The following RAP1GDS1 variants were observed in gnomAD, a reference collection of about 807,000 sequenced individuals.
RAP1GDS1 encodes Rap1 GTPase-GDP dissociation stimulator 1, also known as RAP1, GTP-GDP dissociation stimulator 1.
A neutral mutation model predicts 71.1 loss-of-function variants in RAP1GDS1; 35 were observed. That is an observed-to-expected ratio of 0.49 (90% CI 0.38 to 0.65). The LOEUF (loss-of-function observed/expected upper bound fraction) is 0.65, where lower values mean the gene tolerates loss of function less well. Among genes scored for constraint, RAP1GDS1 ranks in the 30% least tolerant of loss-of-function variants. The probability of loss-of-function intolerance (pLI) is 0.00; values close to 1 mark genes in which losing one functional copy is unlikely to be tolerated. For synonymous variants in RAP1GDS1, 229 were observed against 243.1 expected (o/e 0.94, Z 0.54); for missense variants, 663 against 706.1 (o/e 0.94, Z 0.69).
At chr4:98,305,283 T>C (rs1204677922) in intron 2 of RAP1GDS1, among the ~76,000 whole-genome samples, 4 of 152,206 alleles carry the variant, frequency 2.6e-5, no homozygotes, top group African/African-American at 7.2e-5. Context: ...TTCATGCTAA[T>C]TGATTCTTCC....
intron 2 of RAP1GDS1, among the ~76,000 whole-genome samples, chr4:98,295,680 G>A (rs191750564): frequency 3.3e-5 from 5 of 152,158 alleles, no homozygotes; most frequent in Admixed American, 3.3e-4. Flanking sequence ...ATAAAGTGAA[G>A]CTTTTTGCTG....
chr4:98,306,095 A>G (rs887292165), intron 2 of RAP1GDS1, among the ~76,000 whole-genome samples: 12 of 152,328 alleles, frequency 7.9e-5, no homozygotes, highest in Admixed American at 4.6e-4. Flanking sequence ...CTGCACCTAT[A>G]GCCAGCTGTG....
intron 1 of RAP1GDS1, among the ~76,000 whole-genome samples, chr4:98,266,666 T>C (rs1229056227): frequency 1.3e-5 from 2 of 152,192 alleles, no homozygotes; most frequent in Admixed American, 1.3e-4. Flanking sequence ...AATTTAAAAA[T>C]TTTTCTTATG....
chr4:98,296,852 C>A, intron 2 of RAP1GDS1: 1 of 354,102 alleles, frequency 2.8e-6, no homozygotes, highest in Non-Finnish European at 5.5e-6. Context: ...AATTAAAGTC[C>A]CAAAGGCAAG....
At chr4:98,356,440 G>C (rs1236887281) in intron 4 of RAP1GDS1, among the ~76,000 whole-genome samples, 1 of 151,794 alleles carries the variant, frequency 6.6e-6, no homozygotes, top group African/African-American at 2.4e-5. Context: ...TAATTCCTGG[G>C]GATAAATTGG....
At chr4:98,330,851 C>A (rs534877013) in intron 2 of RAP1GDS1, among the ~76,000 whole-genome samples, 1 of 151,810 alleles carries the variant, frequency 6.6e-6, no homozygotes, top group Non-Finnish European at 1.5e-5. Context: ...ACATCCCAGA[C>A]GATGGGCGGC....
At chr4:98,279,613 AACTTTAAGTTCTGT>A (rs2110248159) in intron 1 of RAP1GDS1, among the ~76,000 whole-genome samples, 1 of 152,122 alleles carries the variant, frequency 6.6e-6, no homozygotes, top group Admixed American at 6.6e-5. Flanking sequence ...ATATTTTCTG[AACTTTAAGTTCTGT>A]ACTTTAAGTC....
Position 98,443,020 on chromosome 4 carries a change from T to TTTTTC in RAP1GDS1, c.*907_*908insCTTTT, listed in dbSNP as rs1422332159. ...ATAGTTCATTGAAGAATGGAATTTT[T>TTTTTC]TTTTTTTTTTTTTTTTTTGCTGTTT... On this transcript the variant is annotated 3_prime_UTR_variant, in exon 15 of 15. Coordinates refer to ENST00000408927, the MANE Select transcript of RAP1GDS1 (RefSeq NM_001100427.2). 94 of 207,802 alleles carry TTTTTC rather than the reference T, an allele frequency of 4.5e-4. 2 individuals are homozygous for TTTTTC. Among genetic ancestry groups the TTTTTC allele is most frequent in the Middle Eastern group, 1.5e-3 (1 of 664 alleles). 12.9% of individuals were successfully genotyped at this position (207,802 alleles called of 1,614,324 possible).
intron 2 of RAP1GDS1, among the ~76,000 whole-genome samples, chr4:98,334,491 G>A (rs917955093): frequency 6.6e-6 from 1 of 152,146 alleles, no homozygotes. Context: ...TGATTTGCTT[G>A]ACTAGTCAGC....
intron 5 of RAP1GDS1, 89 bp from the exon 6 acceptor site, chr4:98,391,863 G>A: frequency 8.1e-7 from 1 of 1,238,662 alleles, no homozygotes; most frequent in Middle Eastern, 2.9e-4. Flanking sequence ...GTTTCCAATA[G>A]GGAAAATAAG....
chr4:98,296,808 T>C (rs778717722), intron 2 of RAP1GDS1: 32 of 261,088 alleles, frequency 1.2e-4, no homozygotes, highest in Non-Finnish European at 2.3e-4. Context: ...GAATGTGGCA[T>C]CTAAATCACC....
At chr4:98,324,601 C>T (rs1376222907) in intron 2 of RAP1GDS1, among the ~76,000 whole-genome samples, 10 of 145,034 alleles carry the variant, frequency 6.9e-5, no homozygotes, top group Non-Finnish European at 1.0e-4. Context: ...GAACAGAGCC[C>T]TCAGAAATAA....
intron 12 of RAP1GDS1, among the ~76,000 whole-genome samples, chr4:98,433,614 T>G (rs17027589): frequency 0.017 from 2,643 of 152,264 alleles, 37 homozygotes; most frequent in Non-Finnish European, 0.026. Context: ...TTATTCTTGT[T>G]TGTCAATCCT....
chr4:98,391,122 T>G (rs1743582348), intron 5 of RAP1GDS1, among the ~76,000 whole-genome samples: 1 of 152,168 alleles, frequency 6.6e-6, no homozygotes, highest in Admixed American at 6.5e-5. Flanking sequence ...ACTTTTGGTG[T>G]TCATTTTTGG....
At chr4:98,353,028 A>G (rs1291903255) in intron 4 of RAP1GDS1, among the ~76,000 whole-genome samples, 1 of 152,212 alleles carries the variant, frequency 6.6e-6, no homozygotes, top group Admixed American at 6.5e-5. Context: ...CATAAAAACC[A>G]TTCTCTTCTC....
intron 6 of RAP1GDS1, among the ~76,000 whole-genome samples, chr4:98,399,999 A>T (rs1745136857): frequency 6.6e-6 from 1 of 152,074 alleles, no homozygotes; most frequent in Non-Finnish European, 1.5e-5. Flanking sequence ...CAAAAAATTT[A>T]AAAATTAGCC....
intron 9 of RAP1GDS1, 47 bp from the exon 10 acceptor site, chr4:98,418,610 A>G (rs202235687): frequency 2.1e-5 from 32 of 1,520,782 alleles, no homozygotes; most frequent in Middle Eastern, 1.8e-4. Context: ...TAAAGTATTT[A>G]TAGATATTTT....
At chr4:98,301,077 T>G (rs1728521912) in intron 2 of RAP1GDS1, among the ~76,000 whole-genome samples, 1 of 152,214 alleles carries the variant, frequency 6.6e-6, no homozygotes, top group South Asian at 2.1e-4. Context: ...AATTATTATT[T>G]TATTCTTTCA....
chr4:98,371,591 C>T (rs1301798740), intron 4 of RAP1GDS1, among the ~76,000 whole-genome samples: 1 of 152,006 alleles, frequency 6.6e-6, no homozygotes, highest in Admixed American at 6.6e-5. Flanking sequence ...ATTTTCATGC[C>T]TCAGCCTCCC....
Sources: allele counts gnomAD v4.1 joint callset (sites outside exome capture counted in the v4.1 genomes callset), GRCh38; gene constraint gnomAD v4.1.1; transcripts MANE v1.5; gene names NCBI Gene and HGNC (gene_info 2026-07-23, HGNC 2026-07-21).